POLR2F: variants seen among roughly 807,000 people sequenced by gnomAD.
The protein encoded by POLR2F is DNA-directed RNA polymerases I, II, and III subunit RPABC2.
POLR2F carries 12 observed loss-of-function variants against 22.7 expected under a neutral mutation model. That is an observed-to-expected ratio of 0.53 (90% CI 0.34 to 0.86). POLR2F has a LOEUF of 0.86. POLR2F is among the 40% of genes least tolerant of loss of function. The probability of loss-of-function intolerance (pLI) is 0.02; values close to 1 mark genes in which losing one functional copy is unlikely to be tolerated. For missense variants in POLR2F, 126 were observed against 171.5 expected, an observed-to-expected ratio of 0.73 and a Z score of 1.48; for synonymous variants, 57 against 66.0, an observed-to-expected ratio of 0.86 and a Z score of 0.66.
chr22:37,994,558 G>A lies in POLR2F; in HGVS notation c.120+8246G>A, dbSNP rs900271317. 1.2e-4 allele frequency among the ~76,000 whole-genome samples: 18 copies of A among 152,158 alleles called. No individual in the cohort carries two copies. The East Asian group carries it at 1.7e-3, about 15-fold the overall frequency. ...TTTTGAGACGGAGTCTCTCTCTGTC[G>A]CCCAGGCTGGAGTGCAGTGGAGTGA... On this transcript the variant is annotated intron_variant, in intron 1 of 2. Transcript: ENST00000333418.
chr22:37,976,342 C>G (rs1223365790), intron 4 of POLR2F, among the ~76,000 whole-genome samples: 1 of 152,236 alleles, frequency 6.6e-6, no homozygotes, highest in East Asian at 1.9e-4. Flanking sequence ...ACTGCGGGCG[C>G]ATTCCACCAT....
At chr22:37,993,698 G>T (rs1260698134) in intron 1 of POLR2F, among the ~76,000 whole-genome samples, 6 of 152,074 alleles carry the variant, frequency 3.9e-5, no homozygotes, top group Non-Finnish European at 8.8e-5. Flanking sequence ...CATGTCACAA[G>T]GATAAAAAGG....
rs2084923496 is a variant in POLR2F at position 38,017,256 on chromosome 22, A to G, written c.121-8613A>G. 6.6e-6 allele frequency among the ~76,000 whole-genome samples: 1 copy of G among 152,142 alleles called. No homozygotes were observed. The highest frequency in any genetic ancestry group is 2.4e-5 in the African/African-American group (1 of 41,420). On this transcript the variant is annotated intron_variant, in intron 1 of 2. Transcript: ENST00000333418. The surrounding 1 kb of genome is among the most constrained non-coding windows in gnomAD (Gnocchi z 4.1). ...TTGGAAATGATGACGTGCCCTTCCT[A>G]GTCCTGGGTCTGTGCGTCTGAGCCT... is the stretch of plus-strand genomic sequence containing the variant.
In POLR2F at chr22:37,978,180, T is replaced by G. The variant is rs758171334; in HGVS notation, c.293+11010T>G. 1 of 1,485,036 alleles carries G rather than the reference T, an allele frequency of 6.7e-7. No homozygotes were observed. The highest frequency in any genetic ancestry group is 1.9e-4 in the Middle Eastern group (1 of 5,186). The allele number at this position is 1,485,036 out of a possible 1,614,324, so 92.0% of individuals were successfully genotyped here. ...GGAGAGGACAGCAGAGGGGCTGGCG[T>G]GAATGCCAGAGCACTCCAGGTTGGC... On this transcript the variant is annotated intron_variant, in intron 4 of 4. Transcript: ENST00000405557. The surrounding 1 kb of genome is among the most constrained non-coding windows in gnomAD (Gnocchi z 5.0).
chr22:37,959,847 A>C (rs1018516591), intron 3 of POLR2F, among the ~76,000 whole-genome samples: 2 of 146,998 alleles, frequency 1.4e-5, no homozygotes, highest in African/African-American at 5.1e-5. Context: ...TGAGTCACCT[A>C]GGCTGGAGTG....
intron 4 of POLR2F, 98 bp from the exon 5 acceptor site, chr22:37,967,527 G>A (rs747118531): frequency 6.5e-7 from 1 of 1,546,160 alleles, no homozygotes; most frequent in Non-Finnish European, 8.7e-7. Flanking sequence ...CTGCTCCTAA[G>A]ACTTCTCTTT....
intron 1 of POLR2F, among the ~76,000 whole-genome samples, chr22:37,954,562 A>T (rs540311952): frequency 1.2e-4 from 18 of 152,246 alleles, no homozygotes; most frequent in African/African-American, 4.3e-4. Flanking sequence ...CGGCCTCCCA[A>T]AGTGCTGGGA....
At chr22:37,996,877 T>C (rs888157839) in intron 1 of POLR2F, among the ~76,000 whole-genome samples, 1 of 152,100 alleles carries the variant, frequency 6.6e-6, no homozygotes, top group African/African-American at 2.4e-5. Context: ...TATGTTTAAA[T>C]CTCCGCTGCG....
intron 3 of POLR2F, 76 bp from the exon 4 acceptor site, chr22:37,967,023 C>T (rs1389448152): frequency 1.0e-5 from 11 of 1,058,218 alleles, no homozygotes; most frequent in East Asian, 7.5e-5. Context: ...ACCAGGATGC[C>T]GTTCCACCCT....
chr22:38,010,813 C>T (rs1194114084), intron 1 of POLR2F, among the ~76,000 whole-genome samples: 8 of 151,912 alleles, frequency 5.3e-5, no homozygotes, highest in South Asian at 2.1e-4. Context: ...GACGGGGTTT[C>T]GCCATGCAGG....
intron 3 of POLR2F, among the ~76,000 whole-genome samples, chr22:37,963,112 G>A (rs890723886): frequency 1.3e-5 from 2 of 150,480 alleles, no homozygotes; most frequent in African/African-American, 4.9e-5. Context: ...TGAGCTTCCC[G>A]GGTAGCTGGG....
At chr22:37,992,616 C>G (rs1426613128) in intron 1 of POLR2F, among the ~76,000 whole-genome samples, 1 of 152,190 alleles carries the variant, frequency 6.6e-6, no homozygotes, top group Non-Finnish European at 1.5e-5. Flanking sequence ...CCAGGCTGGT[C>G]TCAAACTCCA....
At chr22:38,022,058 G>A (rs1405080220) in intron 1 of POLR2F, among the ~76,000 whole-genome samples, 1 of 151,142 alleles carries the variant, frequency 6.6e-6, no homozygotes, top group African/African-American at 2.4e-5. Flanking sequence ...TTGAACCCGG[G>A]ATGTGGAGGT....
chr22:37,983,996 G>C (rs1932493586), upstream of POLR2F: 1 of 334,304 alleles, frequency 3.0e-6, no homozygotes, highest in East Asian at 6.0e-5. The surrounding 1 kb of genome is among the most constrained non-coding windows in gnomAD (Gnocchi z 9.5). Context: ...GGCCCCTGGG[G>C]CCCACGCACA....
chr22:37,955,979 T>C (rs139862), intron 1 of POLR2F, among the ~76,000 whole-genome samples: 104,360 of 151,846 alleles, frequency 0.69, 36,518 homozygotes, highest in African/African-American at 0.83. Context: ...GCCACTGCAC[T>C]CAGCTGATTT....
chr22:38,019,882 C>T (rs1335157863), intron 1 of POLR2F, among the ~76,000 whole-genome samples: 3 of 152,054 alleles, frequency 2.0e-5, no homozygotes, highest in African/African-American at 7.2e-5. Context: ...GGCTTGGTGG[C>T]GCATGCCTGT....
At chr22:37,955,763 C>T (rs1931368897) in intron 1 of POLR2F, among the ~76,000 whole-genome samples, 1 of 151,214 alleles carries the variant, frequency 6.6e-6, no homozygotes, top group African/African-American at 2.4e-5. Flanking sequence ...GCTCAGTGCA[C>T]CCTCCGCCTC....
chr22:37,982,409 C>A (rs1932428293), upstream of POLR2F, among the ~76,000 whole-genome samples: 1 of 152,140 alleles, frequency 6.6e-6, no homozygotes, highest in Non-Finnish European at 1.5e-5. Flanking sequence ...GAGTGGGGGA[C>A]TGTCTTGTTC....
Position 38,031,737 on chromosome 22 carries a change from C to G in POLR2F, c.453-9331C>G, listed in dbSNP as rs948140241. On this transcript the variant is annotated intron_variant, in intron 5 of 5. Transcript: ENST00000407936. This position sits in a 1 kb window ranked among gnomAD's most constrained non-coding sequence, Gnocchi z 4.1. The stretch of plus-strand genomic sequence containing the variant: ...GTGCTGTGAGTCCATGTCTCAAACC[C>G]GCGTCACCATGCTGCCCCCAGACCA... Among the ~76,000 whole-genome samples, 11 of 152,176 alleles carry G rather than the reference C, an allele frequency of 7.2e-5. No individual in the cohort carries two copies. The highest frequency in any genetic ancestry group is 2.7e-4 in the African/African-American group (11 of 41,422).
Sources: gnomAD v4.1 joint callset for allele counts (sites outside exome capture counted in the v4.1 genomes callset) on GRCh38, gnomAD v4.1.1 for gene constraint, Gnocchi (gnomAD v3.1) non-coding constraint, MANE v1.5 for transcripts, NCBI Gene and HGNC (gene_info 2026-07-23, HGNC 2026-07-21) for gene names.